Variants in RBPJ observed in about 807,000 individuals in gnomAD.
RBPJ encodes the protein recombination signal binding protein for immunoglobulin kappa J region.
A neutral mutation model predicts 67.8 loss-of-function variants in RBPJ; 9 were observed. The ratio of observed to expected loss-of-function variants is 0.13; its 90% CI spans 0.08 to 0.23. The LOEUF (loss-of-function observed/expected upper bound fraction) is 0.23. Among genes scored for constraint, RBPJ ranks in the 10% least tolerant of loss-of-function variants. RBPJ has a pLI of 1.00. For missense variants in RBPJ, 305 were observed against 595.6 expected (o/e 0.51, Z 5.08); for synonymous variants, 198 against 203.3 (o/e 0.97, Z 0.22).
intron 1 of RBPJ, among the ~76,000 whole-genome samples, chr4:26,342,262 TATC>T (rs1478649639): frequency 1.0e-4 from 12 of 117,400 alleles, no homozygotes; most frequent in Non-Finnish European, 1.7e-4. Flanking sequence ...ACACCTGGGT[TATC>T]AAAAAAAAAA....
At chr4:26,427,089 A>G (rs1264109450) in intron 7 of RBPJ, among the ~76,000 whole-genome samples, 6 of 152,306 alleles carry the variant, frequency 3.9e-5, no homozygotes, top group Non-Finnish European at 7.3e-5. Context: ...GATTGTTGTC[A>G]TAATTGAGGC....
intron 1 of RBPJ, among the ~76,000 whole-genome samples, chr4:26,265,715 C>A (rs1187559197): frequency 6.6e-6 from 1 of 151,936 alleles, no homozygotes; most frequent in African/African-American, 2.4e-5. Context: ...CTTCTCTGTA[C>A]TGGATGGGAA....
chr4:26,214,923 A>AGGAAGGAAGGAGGGAGGGAGGAAGGAC (rs1323025873), intron 1 of RBPJ, among the ~76,000 whole-genome samples: 1,120 of 56,458 alleles, frequency 0.02, 257 homozygotes, highest in East Asian at 0.059. Context: ...AAGAGAAAAA[A>AGGAAGGAAGGAGGGAGGGAGGAAGGAC]GGAAGGAAGG....
upstream of RBPJ, among the ~76,000 whole-genome samples, chr4:26,318,152 C>A (rs1275486312): frequency 6.6e-6 from 1 of 151,960 alleles, no homozygotes; most frequent in Non-Finnish European, 1.5e-5. Context: ...CACACACACC[C>A]CTAAAACCTT....
At chr4:26,251,935 G>A (rs1720128550) in intron 1 of RBPJ, among the ~76,000 whole-genome samples, 1 of 151,926 alleles carries the variant, frequency 6.6e-6, no homozygotes, top group African/African-American at 2.4e-5. Flanking sequence ...TCTCACAACG[G>A]GGCTATCGAC....
the RBPJ span, among the ~76,000 whole-genome samples, chr4:26,118,399 G>A: frequency 2.7e-3 from 408 of 152,318 alleles, 3 homozygotes; most frequent in Admixed American, 0.02. Flanking sequence ...CAGTCCATCC[G>A]TGGTTTGGTT....
intron 1 of RBPJ, among the ~76,000 whole-genome samples, chr4:26,190,457 G>A (rs1017153103): frequency 2.0e-5 from 3 of 152,142 alleles, no homozygotes; most frequent in African/African-American, 7.2e-5. Context: ...TACCCAGAAG[G>A]CTTTCAAACC....
intron 4 of RBPJ, among the ~76,000 whole-genome samples, chr4:26,418,406 A>G (rs769198735): frequency 3.9e-5 from 6 of 152,202 alleles, no homozygotes; most frequent in Non-Finnish European, 8.8e-5. Flanking sequence ...AGTTTTTTAA[A>G]ACTAATAGTT....
In RBPJ at chr4:26,424,190, T is replaced by C; in HGVS notation, c.497-152T>C. 1.7e-6 allele frequency: 1 copy of C among 588,024 alleles called. No homozygotes were observed. The highest frequency in any genetic ancestry group is 2.8e-6 in the Non-Finnish European group (1 of 351,960). 36.4% of individuals were successfully genotyped at this position (588,024 alleles called of 1,614,324 possible). ...TAACAGTTACCTTGACTTTTTGATA[T>C]CATCTGTACTGTCTTGGAAAGTGAA... On this transcript the variant is annotated intron_variant, in intron 5 of 10. Transcript: ENST00000355476. The surrounding 1 kb of genome is among the most constrained non-coding windows in gnomAD (Gnocchi z 5.3).
rs545408425 is a variant in RBPJ, at chr4:26,374,241, T to C, written c.21-12112T>C. 1.6e-3 allele frequency among the ~76,000 whole-genome samples: 237 copies of C among 152,120 alleles called. 5 individuals carry two copies. The South Asian group carries it at 0.02, about 13-fold the overall frequency. ...AGGCGTGAGCCACCATGCTCTGCCA[T>C]GTTTACAGCTTTAGAAAACATTTTC... On this transcript the variant is annotated intron_variant, in intron 1 of 10. Coordinates refer to ENST00000355476, the MANE Select transcript of RBPJ (RefSeq NM_015874.6).
chr4:26,412,114 CAAA>C (rs146632582), intron 3 of RBPJ, among the ~76,000 whole-genome samples: 11 of 112,376 alleles, frequency 9.8e-5, no homozygotes, highest in Non-Finnish European at 3.7e-5. Flanking sequence ...GACTCCGTCT[CAAA>C]AAAAAAAAAA....
chr4:26,435,016 G>A (rs1277623494), downstream of RBPJ: 1 of 152,158 alleles, frequency 6.6e-6, no homozygotes, highest in African/African-American at 2.4e-5. Flanking sequence ...TATAGTTGGT[G>A]TATTTACAAT....
intron 2 of RBPJ, among the ~76,000 whole-genome samples, chr4:26,399,246 C>T (rs527755086): frequency 6.6e-6 from 1 of 152,336 alleles, no homozygotes; most frequent in Admixed American, 6.5e-5. Flanking sequence ...TCTAATTAAG[C>T]CGTTCCATTT....
intron 1 of RBPJ, among the ~76,000 whole-genome samples, chr4:26,306,841 A>T (rs1158288372): frequency 6.6e-6 from 1 of 152,224 alleles, no homozygotes; most frequent in South Asian, 2.1e-4. Context: ...TCAGCCACTC[A>T]CTGTTACTTG....
intron 1 of RBPJ, among the ~76,000 whole-genome samples, chr4:26,355,253 A>C (rs2725304): frequency 0.57 from 86,507 of 151,874 alleles, 24,730 homozygotes; most frequent in Admixed American, 0.66. Flanking sequence ...TTTTTGTTGC[A>C]TAGGCTGTGT....
intron 3 of RBPJ, among the ~76,000 whole-genome samples, chr4:26,413,456 T>G (rs1734240163): frequency 6.6e-6 from 1 of 152,184 alleles, no homozygotes; most frequent in South Asian, 2.1e-4. Flanking sequence ...CCTATTAGAG[T>G]GTAAGTTCCA....
chr4:26,426,207 A>G (rs1019595961), intron 7 of RBPJ, among the ~76,000 whole-genome samples: 2 of 152,172 alleles, frequency 1.3e-5, no homozygotes, highest in Non-Finnish European at 2.9e-5. Flanking sequence ...CCTCTGTTCC[A>G]AGGATGATGT....
the RBPJ span, among the ~76,000 whole-genome samples, chr4:26,122,967 CAA>C: frequency 6.6e-6 from 1 of 152,164 alleles, no homozygotes; most frequent in Non-Finnish European, 1.5e-5. Flanking sequence ...AACAGAAACT[CAA>C]AATGGCAGCA....
intron 1 of RBPJ, among the ~76,000 whole-genome samples, chr4:26,176,533 T>G (rs6831164): frequency 0.73 from 111,190 of 152,140 alleles, 41,755 homozygotes; most frequent in African/African-American, 0.92. Context: ...TAATTGAATT[T>G]AATTATCACC....
Sources: gnomAD v4.1 joint callset for allele counts (sites outside exome capture counted in the v4.1 genomes callset) on GRCh38, gnomAD v4.1.1 for gene constraint, Gnocchi (gnomAD v3.1) non-coding constraint, MANE v1.5 for transcripts, NCBI Gene and HGNC (gene_info 2026-07-23, HGNC 2026-07-21) for gene names.